Variants in SLCO1B1 observed in about 807,000 individuals in gnomAD.
The protein encoded by SLCO1B1 is OATP-2.
Under a neutral mutation model 70.1 loss-of-function variants are expected in SLCO1B1, and 81 were observed. That is an observed-to-expected ratio of 1.16 (90% CI 0.97 to 1.39). SLCO1B1 has a LOEUF of 1.39. SLCO1B1 is among the 40% of genes most tolerant of loss of function. The pLI, the probability that SLCO1B1 is intolerant of heterozygous loss-of-function variation, is 0.00. For synonymous variants in SLCO1B1, 283 were observed against 271.5 expected (o/e 1.04, Z -0.42); for missense variants, 895 against 799.6 (o/e 1.12, Z -1.44).
chr12:21,225,208 C>CAT (rs971594336), intron 14 of SLCO1B1, among the ~76,000 whole-genome samples: 8 of 151,842 alleles, frequency 5.3e-5, no homozygotes, highest in Admixed American at 2.0e-4. Context: ...TAGACACAGA[C>CAT]ATATATATAT....
At chr12:21,214,988 G>C (rs964199070) in intron 11 of SLCO1B1, among the ~76,000 whole-genome samples, 1 of 152,000 alleles carries the variant, frequency 6.6e-6, no homozygotes, top group Non-Finnish European at 1.5e-5. Flanking sequence ...AGATGAACCC[G>C]GTACCTCAGA....
chr12:21,153,244 G>A (rs1202991562), intron 2 of SLCO1B1, among the ~76,000 whole-genome samples: 2 of 152,088 alleles, frequency 1.3e-5, no homozygotes, highest in Non-Finnish European at 2.9e-5. Flanking sequence ...AAGGTTTCCA[G>A]AGCCTAGAAA....
chr12:21,220,965 G>A (rs1324062224), intron 12 of SLCO1B1, among the ~76,000 whole-genome samples: 3 of 152,026 alleles, frequency 2.0e-5, no homozygotes, highest in African/African-American at 2.4e-5. Flanking sequence ...TAGGGATGAA[G>A]GGTTGGTTCA....
At chr12:21,155,320 T>C (rs1940528365) in intron 2 of SLCO1B1, among the ~76,000 whole-genome samples, 1 of 152,068 alleles carries the variant, frequency 6.6e-6, no homozygotes, top group Non-Finnish European at 1.5e-5. Flanking sequence ...TCTTTCTTGT[T>C]TTAAGCCCAT....
At chr12:21,212,462 C>T (rs1941299612) in intron 11 of SLCO1B1, among the ~76,000 whole-genome samples, 1 of 143,814 alleles carries the variant, frequency 7.0e-6, no homozygotes, top group East Asian at 2.0e-4. Context: ...TTTCCATTTG[C>T]TGAGGAGAGC....
chr12:21,178,537 A>C, intron 5 of SLCO1B1, 39 bp from the exon 6 acceptor site: 1 of 1,461,078 alleles, frequency 6.8e-7, no homozygotes, highest in Non-Finnish European at 9.6e-7. Flanking sequence ...GAAATGCTAA[A>C]ATTAATGTTT....
At chr12:21,178,844 C>A in intron 6 of SLCO1B1, 78 bp from the exon 7 acceptor site, 1 of 1,367,188 alleles carries the variant, frequency 7.3e-7, no homozygotes, top group Non-Finnish European at 1.0e-6. Flanking sequence ...TGTATTGTAT[C>A]ATATTTCTTT....
chr12:21,141,710 A>G (rs2121040212), intron 2 of SLCO1B1, 52 bp downstream of exon 2: 1 of 1,132,734 alleles, frequency 8.8e-7, no homozygotes, highest in Non-Finnish European at 1.3e-6. Context: ...GGGAACTTTA[A>G]TGTATAGAAA....
rs1565674229 is a variant in SLCO1B1, at chr12:21,178,598, A to T, written c.504A>T (p.Ser168=). Residue 168 remains serine (S), a synonymous_variant, in exon 6 of 15, where the codon TCA becomes TCT. Coordinates refer to ENST00000256958, the MANE Select transcript of SLCO1B1 (RefSeq NM_006446.5). ...VGKGCLKESG[S]YMWIYVFMGN... ...TAGGTTGTTTAAAGGAATCTGGGTC[A>T]TACATGTGGATATATGTGTTCATGG... is the stretch of plus-strand genomic sequence containing the variant. The T allele has an allele frequency of 6.2e-7, 1 of 1,608,106 alleles. No individual in the cohort carries two copies. The highest frequency in any genetic ancestry group is 8.5e-7 in the Non-Finnish European group (1 of 1,174,642).
At position 21,176,913 on chromosome 12, in the gene SLCO1B1, G is replaced by C. The variant is rs767928903; in HGVS notation, c.481+16G>C. The C allele has an allele frequency of 2.0e-6, 3 of 1,536,530 alleles. No individual in the cohort carries two copies. The highest frequency in any genetic ancestry group is 2.7e-6 in the Non-Finnish European group (3 of 1,110,130). ...GTGGGAAAAGGTAAGAATTAATATT[G>C]ACAGTAAAAAGTCTTCTAAAATGTA... On this transcript the variant is annotated intron_variant, in intron 5 of 14. Transcript: ENST00000256958.
At chr12:21,133,787 A>G (rs1278398275) in intron 1 of SLCO1B1, among the ~76,000 whole-genome samples, 1 of 152,152 alleles carries the variant, frequency 6.6e-6, no homozygotes, top group Non-Finnish European at 1.5e-5. Flanking sequence ...AACAGGGACA[A>G]TTTGACTTCC....
chr12:21,141,207 T>TA (rs1408222846), intron 1 of SLCO1B1, among the ~76,000 whole-genome samples: 1 of 151,994 alleles, frequency 6.6e-6, no homozygotes, highest in East Asian at 1.9e-4. Flanking sequence ...GAAAAGATAA[T>TA]AATTTAAATT....
chr12:21,237,583 T>A (rs899072727), intron 14 of SLCO1B1, among the ~76,000 whole-genome samples: 1 of 152,170 alleles, frequency 6.6e-6, no homozygotes, highest in Non-Finnish European at 1.5e-5. Context: ...CAATAATAAC[T>A]TATTTGTATA....
intron 2 of SLCO1B1, among the ~76,000 whole-genome samples, chr12:21,147,185 G>A (rs1444448884): frequency 6.6e-6 from 1 of 152,074 alleles, no homozygotes; most frequent in African/African-American, 2.4e-5. Flanking sequence ...TTTTACCTCT[G>A]TTAATTTCCT....
In SLCO1B1 at chr12:21,164,991, C is replaced by T. The variant is rs149882295; in HGVS notation, c.85-7659C>T. The T allele has an allele frequency of 1.5e-3, 526 of 361,678 alleles. 4 individuals carry two copies. Among genetic ancestry groups the T allele is most frequent in the African/African-American group, 0.011 (504 of 45,488 alleles). 22.4% of individuals were successfully genotyped at this position (361,678 alleles called of 1,614,324 possible). On this transcript the variant is annotated intron_variant, in intron 2 of 14. Coordinates refer to ENST00000256958, the MANE Select transcript of SLCO1B1 (RefSeq NM_006446.5). ...CTGCCCTTGTTCCTGTTCCTCTGTACCTGCCTCAACTACATAGCTTAGCAG... is the reference window on the plus strand; with the variant it reads ...CTGCCCTTGTTCCTGTTCCTCTGTATCTGCCTCAACTACATAGCTTAGCAG...
intron 11 of SLCO1B1, among the ~76,000 whole-genome samples, chr12:21,214,918 C>A (rs1246716465): frequency 6.6e-6 from 1 of 151,946 alleles, no homozygotes; most frequent in Non-Finnish European, 1.5e-5. Flanking sequence ...CGCCCTGCTT[C>A]GGCTCACGCA....
At chr12:21,186,761 TA>T (rs1348222925) in intron 7 of SLCO1B1, among the ~76,000 whole-genome samples, 1 of 152,082 alleles carries the variant, frequency 6.6e-6, no homozygotes, top group Non-Finnish European at 1.5e-5. Context: ...TATACCGTCT[TA>T]TCTCATATTG....
chr12:21,151,037 G>A (rs763738938), intron 2 of SLCO1B1, among the ~76,000 whole-genome samples: 18 of 152,228 alleles, frequency 1.2e-4, no homozygotes, highest in South Asian at 4.1e-4. Context: ...ACATCTTAGC[G>A]TGTACATACA....
At chr12:21,231,557 A>T (rs996692541) in intron 14 of SLCO1B1, among the ~76,000 whole-genome samples, 1 of 151,080 alleles carries the variant, frequency 6.6e-6, no homozygotes, top group Admixed American at 6.6e-5. Context: ...AATTCACTCA[A>T]GTGAGAAAAA....
Sources: gnomAD v4.1 joint callset for allele counts (sites outside exome capture counted in the v4.1 genomes callset) on GRCh38, gnomAD v4.1.1 for gene constraint, MANE v1.5 for transcripts, NCBI Gene and HGNC (gene_info 2026-07-23, HGNC 2026-07-21) for gene names.